Variants in NRXN1 observed in about 807,000 individuals in gnomAD.
NRXN1 encodes neurexin 1, also known as neurexin-1.
In NRXN1, 39 loss-of-function variants were observed where a neutral mutation model predicts 150.9. The ratio of observed to expected loss-of-function variants is 0.26; its 90% CI spans 0.20 to 0.34. The LOEUF (loss-of-function observed/expected upper bound fraction) is 0.34, where lower values mean the gene tolerates loss of function less well. Among genes scored for constraint, NRXN1 ranks in the 10% least tolerant of loss-of-function variants. The pLI, the probability that NRXN1 is intolerant of heterozygous loss-of-function variation, is 1.00. For synonymous variants in NRXN1, 924 were observed against 757.0 expected, an observed-to-expected ratio of 1.22 and a Z score of -3.62; for missense variants, 1,815 against 1,949.9, an observed-to-expected ratio of 0.93 and a Z score of 1.30.
At chr2:50,586,162 C>A (rs1658949257) in intron 8 of NRXN1, among the ~76,000 whole-genome samples, 1 of 152,184 alleles carries the variant, frequency 6.6e-6, no homozygotes, top group Non-Finnish European at 1.5e-5. Flanking sequence ...TACTTACCCT[C>A]CAGGGTGTTT....
At chr2:50,779,017 A>T (rs1239416066) in intron 5 of NRXN1, among the ~76,000 whole-genome samples, 3 of 151,780 alleles carry the variant, frequency 2.0e-5, no homozygotes, top group Non-Finnish European at 2.9e-5. Context: ...ATACATCTAC[A>T]TTTTTTTTCT....
intron 21 of NRXN1, among the ~76,000 whole-genome samples, chr2:49,955,328 A>G (rs1372245767): frequency 1.3e-5 from 2 of 152,188 alleles, no homozygotes; most frequent in Admixed American, 1.3e-4. Context: ...CAAAGATTTT[A>G]TCTGCCTTAT....
At chr2:50,935,541 G>C (rs751339062) in intron 2 of NRXN1, among the ~76,000 whole-genome samples, 1 of 152,172 alleles carries the variant, frequency 6.6e-6, no homozygotes, top group East Asian at 1.9e-4. Flanking sequence ...TCCAACACCA[G>C]TCTGGTGAAA....
At chr2:50,440,867 T>C (rs2085891378) in intron 17 of NRXN1, among the ~76,000 whole-genome samples, 1 of 152,220 alleles carries the variant, frequency 6.6e-6, no homozygotes, top group South Asian at 2.1e-4. Flanking sequence ...AATTTTCATT[T>C]GTTTTTGATA....
chr2:50,250,820 C>T (rs1026289268), intron 17 of NRXN1, among the ~76,000 whole-genome samples: 1 of 151,412 alleles, frequency 6.6e-6, no homozygotes, highest in Non-Finnish European at 1.5e-5. Flanking sequence ...TACCGGGATA[C>T]ATGTGCAGTA....
intron 18 of NRXN1, among the ~76,000 whole-genome samples, chr2:50,224,019 C>T (rs1447727206): frequency 3.3e-5 from 5 of 151,920 alleles, no homozygotes; most frequent in Admixed American, 6.6e-5. Context: ...CATTAAGAGA[C>T]TTATAATAGA....
intron 5 of NRXN1, among the ~76,000 whole-genome samples, chr2:50,792,782 T>C (rs4125974): frequency 0.1 from 15,282 of 152,082 alleles, 845 homozygotes; most frequent in Admixed American, 0.13. Context: ...TTAGATACTT[T>C]AGAGAATTTA....
chr2:50,406,778 G>A (rs866720603), intron 17 of NRXN1, among the ~76,000 whole-genome samples: 1 of 152,094 alleles, frequency 6.6e-6, no homozygotes, highest in Non-Finnish European at 1.5e-5. Context: ...TCTCTTCCAT[G>A]TACCTTTAAA....
chr2:50,067,040 C>T (rs549714009), intron 19 of NRXN1, among the ~76,000 whole-genome samples: 10 of 152,234 alleles, frequency 6.6e-5, no homozygotes, highest in Middle Eastern at 3.4e-3. Context: ...TAGGGTGATG[C>T]GCTGTTCGTG....
At chr2:50,573,683 T>C (rs1338119760) in intron 8 of NRXN1, among the ~76,000 whole-genome samples, 2 of 151,646 alleles carry the variant, frequency 1.3e-5, no homozygotes, top group African/African-American at 2.4e-5. Flanking sequence ...AAATATGTGA[T>C]GGAGAATTTG....
chr2:50,710,420 C>A (rs1695004957), intron 5 of NRXN1, among the ~76,000 whole-genome samples: 1 of 152,092 alleles, frequency 6.6e-6, no homozygotes, highest in Admixed American at 6.5e-5. Flanking sequence ...ACACACATAC[C>A]CACCTCTATG....
intron 12 of NRXN1, among the ~76,000 whole-genome samples, chr2:50,526,503 T>A (rs1244260287): frequency 1.3e-5 from 2 of 152,194 alleles, no homozygotes; most frequent in Non-Finnish European, 2.9e-5. Flanking sequence ...CAGATATTGT[T>A]AATTTAGTTT....
chr2:50,357,100 G>A (rs2078869660), intron 17 of NRXN1, among the ~76,000 whole-genome samples: 1 of 151,962 alleles, frequency 6.6e-6, no homozygotes, highest in Non-Finnish European at 1.5e-5. Flanking sequence ...AACATAAGGA[G>A]ACCCCATCTC....
intron 17 of NRXN1, among the ~76,000 whole-genome samples, chr2:50,461,617 T>C (rs369888646): frequency 9.9e-5 from 15 of 151,990 alleles, no homozygotes; most frequent in African/African-American, 3.6e-4. Flanking sequence ...AAATTTACAA[T>C]GAATGTAAAC....
At chr2:50,512,018 C>T (rs151296487) in intron 12 of NRXN1, among the ~76,000 whole-genome samples, 112 of 152,000 alleles carry the variant, frequency 7.4e-4, no homozygotes, top group African/African-American at 2.5e-3. Context: ...ACCTTGAAGA[C>T]GACATGTATT....
intron 5 of NRXN1, among the ~76,000 whole-genome samples, chr2:50,638,862 A>G (rs1450956753): frequency 6.6e-6 from 1 of 152,202 alleles, no homozygotes; most frequent in Admixed American, 6.6e-5. Flanking sequence ...TACAAGTTAA[A>G]GAGATCTTCC....
intron 5 of NRXN1, among the ~76,000 whole-genome samples, chr2:50,863,401 T>G (rs1676419511): frequency 6.6e-6 from 1 of 152,004 alleles, no homozygotes; most frequent in South Asian, 2.1e-4. Context: ...GCAAATCAGC[T>G]GAGTGGGTTT....
At chr2:50,211,047 A>AT (rs1215861783) in intron 18 of NRXN1, among the ~76,000 whole-genome samples, 3 of 151,576 alleles carry the variant, frequency 2.0e-5, no homozygotes, top group African/African-American at 7.3e-5. Context: ...ATCTCTATCC[A>AT]TTTTTCTGGC....
chr2:49,919,545 T>C lies in NRXN1; in HGVS notation c.*2399A>G, dbSNP rs1043957658. On this transcript the variant is annotated 3_prime_UTR_variant, in exon 23 of 23. Coordinates refer to ENST00000401669, the MANE Select transcript of NRXN1 (RefSeq NM_001330078.2). ...ACTGGTTCAAGCTTAATAGATAAAA[T>C]AGAAAAGCAATCTTAAAAAAAAAAA... is the stretch of plus-strand genomic sequence containing the variant. The C allele has an allele frequency of 1.3e-5, 2 of 151,386 alleles. No homozygotes were observed. The highest frequency in any genetic ancestry group is 2.4e-5 in the African/African-American group (1 of 41,224). The allele number at this position is 151,386 out of a possible 1,614,324, so 9.4% of individuals were successfully genotyped here.
Sources: gnomAD v4.1 joint callset for allele counts (sites outside exome capture counted in the v4.1 genomes callset) on GRCh38, gnomAD v4.1.1 for gene constraint, MANE v1.5 for transcripts, NCBI Gene and HGNC (gene_info 2026-07-23, HGNC 2026-07-21) for gene names.